The following LRRC63 variants were observed in gnomAD, a reference collection of about 807,000 sequenced individuals.
The protein encoded by LRRC63 is leucine rich repeat containing 63.
LRRC63 carries 40 observed loss-of-function variants against 49.5 expected under a neutral mutation model. That is an observed-to-expected ratio of 0.81 (90% confidence interval 0.63 to 1.05). The LOEUF is 1.05. Ranked by LOEUF, LRRC63 falls within the 50% of genes least tolerant of loss-of-function variation. LRRC63 has a pLI of 0.00. For synonymous variants in LRRC63, 191 were observed against 221.1 expected (o/e 0.86, Z 1.21); for missense variants, 636 against 663.1 (o/e 0.96, Z 0.45).
intron 4 of LRRC63, 40 bp from the exon 5 acceptor site, chr13:46,234,152 A>G (rs1192121645): frequency 3.3e-6 from 5 of 1,499,810 alleles, no homozygotes; most frequent in Non-Finnish European, 4.5e-6. Flanking sequence ...AAGTGATAAC[A>G]CATTTAAATT....
intron 9 of LRRC63, among the ~76,000 whole-genome samples, chr13:46,274,310 G>A (rs1171173382): frequency 6.6e-6 from 1 of 152,188 alleles, no homozygotes; most frequent in East Asian, 1.9e-4. Flanking sequence ...GTAAAAATAA[G>A]AACAGTGAGG....
intron 4 of LRRC63, 88 bp downstream of exon 4, chr13:46,228,821 G>A (rs1330249425): frequency 1.8e-5 from 16 of 901,614 alleles, no homozygotes; most frequent in Non-Finnish European, 2.8e-5. Context: ...GTGTTTATGT[G>A]TGTGATTCAC....
chr13:46,257,917 AT>A (rs143041263), intron 7 of LRRC63, among the ~76,000 whole-genome samples: 9,341 of 151,490 alleles, frequency 0.062, 958 homozygotes, highest in African/African-American at 0.21. Context: ...ATATGCATAT[AT>A]TTTTTTTCCC....
At chr13:46,228,294 G>A in intron 3 of LRRC63, 105 bp downstream of exon 3, 1 of 835,632 alleles carries the variant, frequency 1.2e-6, no homozygotes, top group Non-Finnish European at 1.8e-6. Flanking sequence ...TTGCAGAATG[G>A]GAGGATGGAA....
intron 9 of LRRC63, among the ~76,000 whole-genome samples, chr13:46,276,244 T>TA (rs1244337113): frequency 6.6e-6 from 1 of 151,054 alleles, no homozygotes; most frequent in Non-Finnish European, 1.5e-5. Flanking sequence ...ATGTTTATTA[T>TA]AAAAAATTAG....
At chr13:46,238,837 T>C (rs1016020328) in intron 5 of LRRC63, among the ~76,000 whole-genome samples, 1 of 152,180 alleles carries the variant, frequency 6.6e-6, no homozygotes, top group Non-Finnish European at 1.5e-5. Context: ...ACTTTTAAAA[T>C]CACTCATACC....
chr13:46,262,065 C>A, intron 8 of LRRC63, 73 bp downstream of exon 8: 1 of 485,630 alleles, frequency 2.1e-6, no homozygotes, highest in Admixed American at 4.5e-5. Flanking sequence ...TAGAGAAAAT[C>A]AATCCTTTCA....
intron 7 of LRRC63, among the ~76,000 whole-genome samples, chr13:46,254,890 G>A (rs2047469850): frequency 6.6e-6 from 1 of 152,090 alleles, no homozygotes; most frequent in African/African-American, 2.4e-5. Context: ...AGACTTCTTT[G>A]GGAATGTCCA....
intron 3 of LRRC63, among the ~76,000 whole-genome samples, chr13:46,228,439 A>T (rs1566478113): frequency 2.0e-5 from 3 of 152,198 alleles, no homozygotes; most frequent in African/African-American, 4.8e-5. Context: ...AATTCAAAGG[A>T]TCGGAAAAGC....
At chr13:46,238,253 T>G (rs1230462) in intron 5 of LRRC63, among the ~76,000 whole-genome samples, 81,629 of 152,012 alleles carry the variant, frequency 0.54, 25,526 homozygotes, top group African/African-American at 0.86. Flanking sequence ...CATCAAGGCA[T>G]AAAATTAACA....
rs576213967 is a variant in LRRC63 at position 46,237,158 on chromosome 13, A to G, written c.990+2809A>G. On this transcript the variant is annotated intron_variant, in intron 5 of 9. Coordinates refer to ENST00000595396, the Ensembl canonical transcript of LRRC63. ...AATGAACAAAACCAACAATGACAAA[A>G]CATTCTGGAAAGGGCAAAAATGTAA... 3.3e-5 allele frequency among the ~76,000 whole-genome samples: 5 copies of G among 152,342 alleles called. No individual in the cohort carries two copies. The East Asian group carries it at 9.6e-4, about 29-fold the overall frequency.
exon 3 of LRRC63, chr13:46,227,812 A>G (rs2046621087): frequency 4.5e-6 from 7 of 1,549,582 alleles, no homozygotes; most frequent in African/African-American, 1.4e-5. Flanking sequence ...AACAAAATGG[A>G]AAGTTCAAGA....
intron 9 of LRRC63, among the ~76,000 whole-genome samples, chr13:46,274,272 A>C (rs745774622): frequency 6.6e-6 from 1 of 152,194 alleles, no homozygotes; most frequent in Non-Finnish European, 1.5e-5. Flanking sequence ...CAAAGGGTTC[A>C]ATCTCATCAA....
intron 8 of LRRC63, among the ~76,000 whole-genome samples, chr13:46,263,279 A>G (rs1398830032): frequency 6.6e-6 from 1 of 151,898 alleles, no homozygotes; most frequent in African/African-American, 2.4e-5. Context: ...TGGACTCACA[A>G]TTCTCCTGCC....
intron 1 of LRRC63, among the ~76,000 whole-genome samples, chr13:46,212,736 T>G (rs1428327050): frequency 6.6e-6 from 1 of 152,240 alleles, no homozygotes; most frequent in Non-Finnish European, 1.5e-5. Flanking sequence ...CATGGAAAAT[T>G]GTAGAATGAT....
At chr13:46,261,115 A>C (rs976959904) in intron 7 of LRRC63, among the ~76,000 whole-genome samples, 5 of 152,130 alleles carry the variant, frequency 3.3e-5, no homozygotes, top group African/African-American at 1.2e-4. Flanking sequence ...CAGCACAACT[A>C]TGTTTTTGCA....
chr13:46,236,027 T>G (rs1194967773), intron 5 of LRRC63, among the ~76,000 whole-genome samples: 2 of 151,970 alleles, frequency 1.3e-5, no homozygotes, highest in Non-Finnish European at 1.5e-5. Flanking sequence ...AACTGAAAAC[T>G]TCTCTAGAAA....
chr13:46,230,015 G>C (rs983386859), intron 4 of LRRC63, among the ~76,000 whole-genome samples: 1 of 152,014 alleles, frequency 6.6e-6, no homozygotes, highest in African/African-American at 2.4e-5. Context: ...GATCTTATAA[G>C]AACTCACTAT....
intron 7 of LRRC63, among the ~76,000 whole-genome samples, chr13:46,252,925 G>C (rs2047421698): frequency 6.6e-6 from 1 of 152,054 alleles, no homozygotes; most frequent in African/African-American, 2.4e-5. Flanking sequence ...AATTTATGCT[G>C]TATGCAACAA....
Sources: allele counts gnomAD v4.1 joint callset (sites outside exome capture counted in the v4.1 genomes callset), GRCh38; gene constraint gnomAD v4.1.1; transcripts MANE v1.5; gene names NCBI Gene and HGNC (gene_info 2026-07-23, HGNC 2026-07-21).